The following ZFHX3 variants were observed in gnomAD, a reference collection of about 807,000 sequenced individuals.
ZFHX3 encodes the protein zinc finger homeobox protein 3.
A neutral mutation model predicts 279.1 loss-of-function variants in ZFHX3; 42 were observed. The observed-to-expected ratio is 0.15, with a 90% CI of 0.12 to 0.19. ZFHX3 has a LOEUF of 0.19. Among genes scored for constraint, ZFHX3 ranks in the 10% least tolerant of loss-of-function variants. The pLI, the probability that ZFHX3 is intolerant of heterozygous loss-of-function variation, is 1.00. For missense variants in ZFHX3, 4,981 were observed against 4,754.0 expected, an observed-to-expected ratio of 1.05 and a Z score of -1.40; for synonymous variants, 2,293 against 1,957.8, an observed-to-expected ratio of 1.17 and a Z score of -4.52.
At chr16:73,002,338 A>T (rs930430844) in intron 1 of ZFHX3, among the ~76,000 whole-genome samples, 4 of 152,164 alleles carry the variant, frequency 2.6e-5, no homozygotes, top group Admixed American at 1.3e-4. Context: ...CTCCCCTGGC[A>T]CTTGGCAGCT....
chr16:73,533,316 G>T (rs1465949163), intron 2 of ZFHX3, among the ~76,000 whole-genome samples: 1 of 150,970 alleles, frequency 6.6e-6, no homozygotes, highest in Non-Finnish European at 1.5e-5. Flanking sequence ...ACCAGCTTCT[G>T]CATTTTCATA....
At chr16:72,817,834 T>C (rs1292943770) in intron 5 of ZFHX3, among the ~76,000 whole-genome samples, 2 of 152,148 alleles carry the variant, frequency 1.3e-5, no homozygotes, top group African/African-American at 4.8e-5. Context: ...TTGTGGGGAA[T>C]CCAAAGGCAG....
chr16:73,658,465 G>A (rs2052745560), intron 2 of ZFHX3, among the ~76,000 whole-genome samples: 3 of 152,134 alleles, frequency 2.0e-5, no homozygotes, highest in Non-Finnish European at 2.9e-5. Context: ...ACCACACCCA[G>A]CTAATTTTTG....
At chr16:73,682,916 GAGAGAAAGAGAAAGAAAGAAAGAA>G (rs2053032873) in intron 1 of ZFHX3, among the ~76,000 whole-genome samples, 2 of 29,896 alleles carry the variant, frequency 6.7e-5, no homozygotes, top group African/African-American at 1.0e-4. Flanking sequence ...GAGAAAGAAA[GAGAGAAAGAGAAAGAAAGAAAGAA>G]AGAAAGAAAG....
chr16:73,744,192 T>C (rs955652008), intron 1 of ZFHX3, among the ~76,000 whole-genome samples: 15 of 152,222 alleles, frequency 9.9e-5, no homozygotes, highest in African/African-American at 3.6e-4. Flanking sequence ...GCATGATCTC[T>C]CGTGACGTAC....
At chr16:73,714,969 T>C (rs984633949) in intron 1 of ZFHX3, among the ~76,000 whole-genome samples, 1 of 152,322 alleles carries the variant, frequency 6.6e-6, no homozygotes, top group Admixed American at 6.5e-5. Flanking sequence ...CGGGTCTCTC[T>C]CTCTCTGAGA....
At chr16:72,974,568 AACACACACACACACAC>A (rs59350988) in intron 1 of ZFHX3, among the ~76,000 whole-genome samples, 1 of 148,258 alleles carries the variant, frequency 6.7e-6, no homozygotes. Context: ...CTGATAGGGC[AACACACACACACACAC>A]ACACACACAC....
At chr16:73,009,946 A>G (rs147126950) in intron 1 of ZFHX3, among the ~76,000 whole-genome samples, 1 of 149,998 alleles carries the variant, frequency 6.7e-6, no homozygotes, top group East Asian at 2.0e-4. Context: ...ATTTGAACTC[A>G]GGAAGCAGAG....
intron 4 of ZFHX3, among the ~76,000 whole-genome samples, chr16:72,854,397 G>A (rs2037696990): frequency 6.6e-6 from 1 of 152,176 alleles, no homozygotes; most frequent in Non-Finnish European, 1.5e-5. Flanking sequence ...AAATCTGGAA[G>A]AGGAGATATA....
At chr16:73,474,688 C>A (rs538192592) in intron 2 of ZFHX3, among the ~76,000 whole-genome samples, 1 of 152,276 alleles carries the variant, frequency 6.6e-6, no homozygotes, top group South Asian at 2.1e-4. Flanking sequence ...TCCCAGCTGG[C>A]AGCTTCCTTG....
At chr16:73,430,684 T>C (rs879290114) in intron 3 of ZFHX3, among the ~76,000 whole-genome samples, 1 of 152,198 alleles carries the variant, frequency 6.6e-6, no homozygotes, top group Non-Finnish European at 1.5e-5. Context: ...TCCCCATCAC[T>C]GAAATGGGGC....
At chr16:73,682,926 GAAAGAAAGAAAGAA>G (rs2053034380) in intron 1 of ZFHX3, among the ~76,000 whole-genome samples, 4 of 25,260 alleles carry the variant, frequency 1.6e-4, no homozygotes, top group Admixed American at 4.8e-4. Flanking sequence ...GAGAGAAAGA[GAAAGAAAGAAAGAA>G]AGAAAGAAAG....
intron 2 of ZFHX3, among the ~76,000 whole-genome samples, chr16:73,615,992 G>T (rs1405263347): frequency 3.3e-5 from 5 of 152,142 alleles, no homozygotes; most frequent in Non-Finnish European, 5.9e-5. Flanking sequence ...CGGTTCAGGG[G>T]AGACATAAAA....
intron 1 of ZFHX3, among the ~76,000 whole-genome samples, chr16:73,884,099 A>G (rs1201829792): frequency 6.6e-6 from 1 of 152,170 alleles, no homozygotes; most frequent in Non-Finnish European, 1.5e-5. Flanking sequence ...TTTCCAGCAC[A>G]CTGTGATCAG....
chr16:72,977,280 G>T (rs1395837149), intron 1 of ZFHX3, among the ~76,000 whole-genome samples: 1 of 152,028 alleles, frequency 6.6e-6, no homozygotes, highest in Non-Finnish European at 1.5e-5. Flanking sequence ...GGTTCCAGAC[G>T]CAGCGTCTGG....
At chr16:73,334,182 A>G (rs892989302) in intron 3 of ZFHX3, among the ~76,000 whole-genome samples, 1 of 152,166 alleles carries the variant, frequency 6.6e-6, no homozygotes, top group Non-Finnish European at 1.5e-5. Flanking sequence ...ACAGCGTTCT[A>G]GGAAAGCAGA....
intron 2 of ZFHX3, among the ~76,000 whole-genome samples, chr16:73,614,812 T>G (rs1179611734): frequency 6.6e-6 from 1 of 152,068 alleles, no homozygotes; most frequent in Non-Finnish European, 1.5e-5. Context: ...CAGGCTGAAG[T>G]GCAATGGCAT....
chr16:73,325,586 C>T (rs903582383), intron 3 of ZFHX3, among the ~76,000 whole-genome samples: 5 of 152,004 alleles, frequency 3.3e-5, no homozygotes, highest in African/African-American at 1.2e-4. Context: ...TTCAAAGTGT[C>T]CAGAAGTAGA....
intron 7 of ZFHX3, among the ~76,000 whole-genome samples, chr16:72,810,585 T>C (rs1306341169): frequency 6.6e-6 from 1 of 152,222 alleles, no homozygotes; most frequent in Non-Finnish European, 1.5e-5. Flanking sequence ...TAGATTTACA[T>C]CTTTACACTA....
Sources: gnomAD v4.1 joint callset for allele counts (sites outside exome capture counted in the v4.1 genomes callset) on GRCh38, gnomAD v4.1.1 for gene constraint, MANE v1.5 for transcripts, NCBI Gene and HGNC (gene_info 2026-07-23, HGNC 2026-07-21) for gene names.